SIPA1L3: variants seen among roughly 807,000 people sequenced by gnomAD.
SIPA1L3 encodes signal induced proliferation associated 1 like 3.
SIPA1L3 carries 59 observed loss-of-function variants against 150.1 expected under a neutral mutation model. The observed-to-expected ratio is 0.39, with a 90% CI of 0.32 to 0.49. The LOEUF (loss-of-function observed/expected upper bound fraction) is 0.49. Among genes scored for constraint, SIPA1L3 ranks in the 20% least tolerant of loss-of-function variants. SIPA1L3 has a pLI of 0.86. For missense variants in SIPA1L3, 2,211 were observed against 2,489.5 expected (o/e 0.89, Z 2.38); for synonymous variants, 1,070 against 1,077.6 (o/e 0.99, Z 0.14).
chr19:38,032,538 A>C (rs934182239), intron 2 of SIPA1L3, among the ~76,000 whole-genome samples: 4 of 152,226 alleles, frequency 2.6e-5, no homozygotes, highest in African/African-American at 9.6e-5. Context: ...AACAGTAAAC[A>C]GATAAAAAGT....
At chr19:37,999,344 C>G (rs1967727105) in intron 1 of SIPA1L3, among the ~76,000 whole-genome samples, 1 of 152,178 alleles carries the variant, frequency 6.6e-6, no homozygotes. Flanking sequence ...CTCCAGGGAC[C>G]TGTGTGATGA....
intron 2 of SIPA1L3, among the ~76,000 whole-genome samples, chr19:38,030,623 A>AATACATACATATATATATAT (rs1250170240): frequency 2.3e-5 from 1 of 42,630 alleles, no homozygotes; most frequent in African/African-American, 5.9e-5. Context: ...ATATGTGGCA[A>AATACATACATATATATATAT]ATATATATAT....
In SIPA1L3 at chr19:38,141,480, C is replaced by T. The variant is rs757120340; in HGVS notation, c.3395+45C>T. ...ACCAATACTTCCCAACCCCCACCAG[C>T]CCACACCCATCCTCCGCCCCTCCCT... On this transcript the variant is annotated intron_variant, in intron 11 of 21. Transcript: ENST00000222345. The T allele has an allele frequency of 6.4e-6, 10 of 1,571,040 alleles. No individual in the cohort carries two copies. In the Admixed American group the frequency reaches 1.6e-4, roughly 25 times the overall value.
At chr19:38,025,609 G>A (rs1314442939) in intron 1 of SIPA1L3, among the ~76,000 whole-genome samples, 4 of 152,228 alleles carry the variant, frequency 2.6e-5, no homozygotes, top group Non-Finnish European at 2.9e-5. Flanking sequence ...AGAGCCATAT[G>A]CATCACTTTA....
intron 15 of SIPA1L3, among the ~76,000 whole-genome samples, chr19:38,171,785 A>G (rs1326729007): frequency 6.6e-6 from 1 of 152,048 alleles, no homozygotes; most frequent in South Asian, 2.1e-4. Flanking sequence ...TGAGCCTGGA[A>G]GTTCGAGACA....
At chr19:38,075,898 C>T (rs1163130985) in intron 2 of SIPA1L3, among the ~76,000 whole-genome samples, 1 of 152,140 alleles carries the variant, frequency 6.6e-6, no homozygotes, top group Admixed American at 6.5e-5. Flanking sequence ...AACCCCAGCA[C>T]TTTGGGAAGC....
At chr19:38,183,688 G>C (rs1327681682) in intron 16 of SIPA1L3, among the ~76,000 whole-genome samples, 4 of 152,208 alleles carry the variant, frequency 2.6e-5, no homozygotes, top group Non-Finnish European at 5.9e-5. Context: ...AGAGCTGCGA[G>C]GCTGGAAGAG....
rs1206355226 is a variant in SIPA1L3, at chr19:37,971,131, T to TG, written c.-378-57958_-378-57957insG. 2.9e-3 allele frequency among the ~76,000 whole-genome samples: 443 copies of TG among 152,210 alleles called. 6 individuals are homozygous for TG. The highest frequency in any genetic ancestry group is 9.7e-3 in the African/African-American group (404 of 41,514). Reference sequence around the variant, plus strand: ...ATTCCTCCCCCACCTCCCATGCTTTTTTTTGTTTGTTTGTTTGTTTGTTTG... The same window carrying TG: ...ATTCCTCCCCCACCTCCCATGCTTTTGTTTTGTTTGTTTGTTTGTTTGTTTG... On this transcript the variant is annotated intron_variant, in intron 1 of 21. Coordinates refer to ENST00000222345, the MANE Select transcript of SIPA1L3 (RefSeq NM_015073.3).
intron 1 of SIPA1L3, among the ~76,000 whole-genome samples, chr19:37,995,979 A>G (rs1967631553): frequency 6.6e-6 from 1 of 152,162 alleles, no homozygotes; most frequent in South Asian, 2.1e-4. Context: ...GAAGGGCATG[A>G]TCATAGTTCA....
intron 12 of SIPA1L3, among the ~76,000 whole-genome samples, chr19:38,148,512 C>T (rs1000514622): frequency 5.3e-5 from 8 of 152,128 alleles, no homozygotes; most frequent in African/African-American, 1.2e-4. Context: ...CAAGCAGGAA[C>T]GGAGGTGATG....
At chr19:38,052,445 C>T (rs1403734875) in intron 2 of SIPA1L3, among the ~76,000 whole-genome samples, 2 of 152,220 alleles carry the variant, frequency 1.3e-5, no homozygotes, top group African/African-American at 4.8e-5. Flanking sequence ...GCGTGAGATG[C>T]TGTCCACATT....
At chr19:38,050,936 G>A (rs1969182694) in intron 2 of SIPA1L3, among the ~76,000 whole-genome samples, 1 of 152,094 alleles carries the variant, frequency 6.6e-6, no homozygotes, top group Non-Finnish European at 1.5e-5. Context: ...GCACACACCT[G>A]TAATCCCAGC....
intron 1 of SIPA1L3, among the ~76,000 whole-genome samples, chr19:37,997,365 C>T (rs909422222): frequency 1.0e-4 from 15 of 150,318 alleles, no homozygotes; most frequent in African/African-American, 3.7e-4. Context: ...GTCAGGAGTT[C>T]GAGACCAGCC....
chr19:37,927,700 G>C (rs183164943), intron 1 of SIPA1L3, among the ~76,000 whole-genome samples: 6 of 144,316 alleles, frequency 4.2e-5, no homozygotes, highest in African/African-American at 1.5e-4. Flanking sequence ...TGTATGCAAT[G>C]TTTAGCTCTC....
intron 1 of SIPA1L3, among the ~76,000 whole-genome samples, chr19:38,025,164 G>T (rs1274965810): frequency 6.6e-6 from 1 of 152,178 alleles, no homozygotes; most frequent in Non-Finnish European, 1.5e-5. Flanking sequence ...TGGCTCACGT[G>T]TCTCTCCCAG....
In SIPA1L3 at chr19:38,162,265, A is replaced by G. The variant is rs1972106163; in HGVS notation, c.3674A>G (p.His1225Arg). 2 of 1,613,966 alleles carry G rather than the reference A, an allele frequency of 1.2e-6. No homozygotes were observed. Among genetic ancestry groups the G allele is most frequent in the South Asian group, 2.2e-5 (2 of 91,094 alleles). Residue 1225 changes from histidine (H) to arginine (R), a missense_variant, in exon 14 of 22, where the codon CAT (histidine) becomes CGT (arginine). Physicochemically the swap from His to Arg is conservative, Grantham distance 29. Coordinates refer to ENST00000222345, the MANE Select transcript of SIPA1L3 (RefSeq NM_015073.3). ...TGTTTTCCTACAGAGCCTTTGTGGC[A>G]TGTGCCTGCCCAGGCCAGGCTCTCA... ...MERQKPEPLWHVPAQARLSAI... is the reference protein window; with the variant it reads ...MERQKPEPLWRVPAQARLSAI...
chr19:38,082,367 A>C lies in SIPA1L3; in HGVS notation c.802A>C (p.Lys268Gln), dbSNP rs920181768. 6.3e-7 allele frequency: 1 copy of C among 1,597,824 alleles called. No homozygotes were observed. Among genetic ancestry groups the C allele is most frequent in the Non-Finnish European group, 8.5e-7 (1 of 1,178,444 alleles). ...GGACTCCCACAACGGGCAGCCCGCC[A>C]AGGACAGCCTCCTGCCACTGCAGCC... ...KGDSHNGQPAKDSLLPLQPTK... is the reference protein window; with the variant it reads ...KGDSHNGQPAQDSLLPLQPTK... Residue 268 changes from lysine to glutamine, a missense_variant, in exon 3 of 22, where the codon AAG becomes CAG. Lys to Gln is a moderately conservative substitution (Grantham distance 53). Around this residue, in one of 5 missense-constraint regions of SIPA1L3, gnomAD observed 587 missense variants for 534.5 expected, o/e 1.10. Coordinates refer to ENST00000222345, the MANE Select transcript of SIPA1L3 (RefSeq NM_015073.3).
At position 38,046,039 on chromosome 19, in the gene SIPA1L3, G is replaced by A. The variant is rs1032552019; in HGVS notation, c.-311+16883G>A. ...TTCCTCCCCCAGGACAGTTTGTACC[G>A]CTCCAGGGTCACGTCAGAGACTCCA... On this transcript the variant is annotated intron_variant, in intron 2 of 21. Coordinates refer to ENST00000222345, the MANE Select transcript of SIPA1L3 (RefSeq NM_015073.3). This position sits in a 1 kb window ranked among gnomAD's most constrained non-coding sequence, Gnocchi z 5.6. Among the ~76,000 whole-genome samples, 1 of 152,096 alleles carries A rather than the reference G, an allele frequency of 6.6e-6. No homozygotes were observed. Among genetic ancestry groups the A allele is most frequent in the Non-Finnish European group, 1.5e-5 (1 of 68,018 alleles).
chr19:38,145,530 G>A (rs1211066142), intron 12 of SIPA1L3, among the ~76,000 whole-genome samples: 1 of 113,280 alleles, frequency 8.8e-6, no homozygotes, highest in Non-Finnish European at 1.8e-5. Flanking sequence ...CAAAAACTCC[G>A]TCTCAAAAAA....
Sources: allele counts gnomAD v4.1 joint callset (sites outside exome capture counted in the v4.1 genomes callset), GRCh38; gene constraint gnomAD v4.1.1; regional missense constraint gnomAD v4.1.1; non-coding constraint Gnocchi (gnomAD v3.1); transcripts MANE v1.5; gene names NCBI Gene and HGNC (gene_info 2026-07-23, HGNC 2026-07-21).